RPS6KA2: variants seen among roughly 807,000 people sequenced by gnomAD.
The protein encoded by RPS6KA2 is ribosomal protein S6 kinase A2.
A neutral mutation model predicts 91.8 loss-of-function variants in RPS6KA2; 42 were observed. The ratio of observed to expected loss-of-function variants is 0.46; its 90% CI spans 0.36 to 0.59. The LOEUF (loss-of-function observed/expected upper bound fraction) is 0.59. Among genes scored for constraint, RPS6KA2 ranks in the 20% least tolerant of loss-of-function variants. The probability of loss-of-function intolerance (pLI) is 0.00; values close to 1 mark genes in which losing one functional copy is unlikely to be tolerated. For missense variants in RPS6KA2, 798 were observed against 978.5 expected (o/e 0.82, Z 2.46); for synonymous variants, 414 against 393.6 (o/e 1.05, Z -0.61).
At chr6:166,750,721 G>A (rs949043647) in intron 2 of RPS6KA2, among the ~76,000 whole-genome samples, 5 of 152,174 alleles carry the variant, frequency 3.3e-5, no homozygotes, top group Non-Finnish European at 5.9e-5. Context: ...ACATTGCCAC[G>A]GAAGTCTCCA....
At position 166,821,086 on chromosome 6, in the gene RPS6KA2, G is replaced by C. The variant is rs1779894110; in HGVS notation, c.123+37114C>G. 6.6e-6 allele frequency among the ~76,000 whole-genome samples: 1 copy of C among 152,130 alleles called. No individual in the cohort carries two copies. The highest frequency in any genetic ancestry group is 1.5e-5 in the Non-Finnish European group (1 of 68,030). On this transcript the variant is annotated intron_variant, in intron 2 of 21. Coordinates refer to the RPS6KA2 transcript ENST00000503859. The surrounding 1 kb of genome is among the most constrained non-coding windows in gnomAD (Gnocchi z 4.1). ...CTATAGGGATTTGGATATTGAATTA[G>C]GTTACCATATTTTGTATCACACGCT...
rs963982424 is a variant in RPS6KA2, at chr6:166,662,936, G to A, written c.124-124152C>T. Among the ~76,000 whole-genome samples, 7 of 152,054 alleles carry A rather than the reference G, an allele frequency of 4.6e-5. No homozygotes were observed. The highest frequency in any genetic ancestry group is 1.3e-4 in the Admixed American group (2 of 15,274). ...GGGCCGCCTCTGTGTATGGAGGAAC[G>A]GCCACGCGAGGACAGGGAGGAGGCG... On this transcript the variant is annotated intron_variant, in intron 2 of 21. Transcript: ENST00000503859. The surrounding 1 kb of genome is among the most constrained non-coding windows in gnomAD (Gnocchi z 4.3).
At chr6:166,577,498 G>A (rs1028778635) in intron 1 of RPS6KA2, among the ~76,000 whole-genome samples, 7 of 152,232 alleles carry the variant, frequency 4.6e-5, no homozygotes, top group African/African-American at 1.7e-4. Flanking sequence ...GAGATGTGGA[G>A]TCAATGGAGA....
chr6:166,588,810 G>C (rs948599063), intron 1 of RPS6KA2, among the ~76,000 whole-genome samples: 3 of 152,184 alleles, frequency 2.0e-5, no homozygotes, highest in African/African-American at 7.2e-5. Context: ...GACAGACAGG[G>C]TGCGGCAGCC....
At chr6:166,465,361 A>G (rs1421768703) in intron 11 of RPS6KA2, 1 of 152,218 alleles carries the variant, frequency 6.6e-6, no homozygotes, top group Non-Finnish European at 1.5e-5. Flanking sequence ...TGCTTTCTGA[A>G]GAATGGGTTG....
chr6:166,805,907 TAA>T (rs1747761954), intron 2 of RPS6KA2, among the ~76,000 whole-genome samples: 1 of 151,876 alleles, frequency 6.6e-6, no homozygotes, highest in South Asian at 2.1e-4. Context: ...AAAATATTAA[TAA>T]AGAGATAGAA....
intron 2 of RPS6KA2, among the ~76,000 whole-genome samples, chr6:166,684,272 T>C (rs570145201): frequency 1.1e-4 from 17 of 152,288 alleles, no homozygotes; most frequent in African/African-American, 2.9e-4. Flanking sequence ...ACCGCCCCTT[T>C]TCATAGCAAT....
At chr6:166,831,071 G>A (rs1239446935) in intron 2 of RPS6KA2, among the ~76,000 whole-genome samples, 1 of 152,096 alleles carries the variant, frequency 6.6e-6, no homozygotes, top group East Asian at 1.9e-4. Flanking sequence ...CTGGAGCCCA[G>A]ACCCTCCAGT....
At chr6:166,805,448 C>T (rs1779468794) in intron 2 of RPS6KA2, among the ~76,000 whole-genome samples, 1 of 152,126 alleles carries the variant, frequency 6.6e-6, no homozygotes, top group Admixed American at 6.5e-5. Context: ...TTTCTTACCC[C>T]CTCCCCCAAC....
intron 2 of RPS6KA2, among the ~76,000 whole-genome samples, chr6:166,771,094 C>G (rs1343002001): frequency 6.6e-6 from 1 of 152,162 alleles, no homozygotes; most frequent in African/African-American, 2.4e-5. Flanking sequence ...TCAGGAAGCC[C>G]TTTAGTGAAA....
intron 2 of RPS6KA2, chr6:166,702,189 C>G: frequency 6.2e-7 from 1 of 1,605,800 alleles, no homozygotes. Flanking sequence ...GTGGCACCTT[C>G]TTTTCCTATA....
chr6:166,461,398 C>T (rs1375931549), intron 11 of RPS6KA2, among the ~76,000 whole-genome samples: 1 of 152,028 alleles, frequency 6.6e-6, no homozygotes, highest in African/African-American at 2.4e-5. Flanking sequence ...CAGTGCAGCC[C>T]ATTCCCCACC....
chr6:166,790,238 C>T (rs979439623), intron 2 of RPS6KA2, among the ~76,000 whole-genome samples: 2 of 152,034 alleles, frequency 1.3e-5, no homozygotes, highest in Non-Finnish European at 2.9e-5. Flanking sequence ...GGAGCCGATG[C>T]GATCAACTGG....
intron 1 of RPS6KA2, among the ~76,000 whole-genome samples, chr6:166,611,096 A>C (rs1786154300): frequency 6.6e-6 from 1 of 152,226 alleles, no homozygotes; most frequent in Non-Finnish European, 1.5e-5. Context: ...ATTTAATCCT[A>C]TTTATCCCAG....
chr6:166,688,245 C>A (rs549154813), intron 2 of RPS6KA2, among the ~76,000 whole-genome samples: 1 of 152,254 alleles, frequency 6.6e-6, no homozygotes, highest in East Asian at 1.9e-4. Flanking sequence ...GGGTGTCTCC[C>A]TGGCTCACTA....
At chr6:166,740,427 T>C (rs923408189) in intron 2 of RPS6KA2, among the ~76,000 whole-genome samples, 1 of 152,208 alleles carries the variant, frequency 6.6e-6, no homozygotes, top group Non-Finnish European at 1.5e-5. Flanking sequence ...AATTAATCCA[T>C]GGAGAGCCTT....
chr6:166,454,070 G>A (rs1780006442), intron 12 of RPS6KA2, among the ~76,000 whole-genome samples: 1 of 152,202 alleles, frequency 6.6e-6, no homozygotes, highest in African/African-American at 2.4e-5. Context: ...GTGGGAGAAG[G>A]TGAGGGATGA....
intron 2 of RPS6KA2, among the ~76,000 whole-genome samples, chr6:166,782,953 C>T (rs763473760): frequency 2.6e-5 from 4 of 152,062 alleles, no homozygotes; most frequent in Non-Finnish European, 4.4e-5. Context: ...AGGCCTCTGG[C>T]CCCAGGATAG....
chr6:166,479,004 T>G (rs997987663), intron 10 of RPS6KA2, among the ~76,000 whole-genome samples: 1 of 152,328 alleles, frequency 6.6e-6, no homozygotes, highest in East Asian at 1.9e-4. Flanking sequence ...CGCTTCACTT[T>G]GCTTCTGTGC....
Sources: gnomAD v4.1 joint callset for allele counts (sites outside exome capture counted in the v4.1 genomes callset) on GRCh38, gnomAD v4.1.1 for gene constraint, Gnocchi (gnomAD v3.1) non-coding constraint, MANE v1.5 for transcripts, NCBI Gene and HGNC (gene_info 2026-07-23, HGNC 2026-07-21) for gene names.